The following CAMK2D variants were observed in gnomAD, a reference collection of about 807,000 sequenced individuals.
CAMK2D encodes the protein calcium/calmodulin-dependent protein kinase type II subunit delta.
CAMK2D carries 37 observed loss-of-function variants against 84.0 expected under a neutral mutation model. That is an observed-to-expected ratio of 0.44 (90% CI 0.34 to 0.58). The LOEUF is 0.58. Ranked by LOEUF, CAMK2D falls within the 20% of genes least tolerant of loss-of-function variation. The pLI, the probability that CAMK2D is intolerant of heterozygous loss-of-function variation, is 0.02. For synonymous variants in CAMK2D, 202 were observed against 212.5 expected (o/e 0.95, Z 0.43); for missense variants, 448 against 652.5 (o/e 0.69, Z 3.41).
chr4:113,491,610 T>C (rs1292334955), intron 16 of CAMK2D, among the ~76,000 whole-genome samples: 2 of 152,188 alleles, frequency 1.3e-5, no homozygotes, highest in Non-Finnish European at 2.9e-5. Flanking sequence ...TTCTCTTTTT[T>C]TGTTGTGTCT....
intron 4 of CAMK2D, among the ~76,000 whole-genome samples, chr4:113,557,190 G>T (rs940496771): frequency 3.3e-5 from 5 of 151,888 alleles, no homozygotes; most frequent in Non-Finnish European, 7.4e-5. Context: ...CTCCTAATGG[G>T]CCCCATTTCC....
intron 3 of CAMK2D, among the ~76,000 whole-genome samples, chr4:113,621,560 G>A (rs1276807255): frequency 6.6e-6 from 1 of 152,142 alleles, no homozygotes; most frequent in East Asian, 1.9e-4. Flanking sequence ...CTAAGCCAAT[G>A]GGATAAATGA....
At chr4:113,696,221 CACACACACACAT>C (rs1391145036) in intron 2 of CAMK2D, among the ~76,000 whole-genome samples, 1 of 151,206 alleles carries the variant, frequency 6.6e-6, no homozygotes, top group Non-Finnish European at 1.5e-5. Context: ...CACACACACA[CACACACACACAT>C]ACACATATAC....
intron 6 of CAMK2D, among the ~76,000 whole-genome samples, chr4:113,539,435 G>A (rs2098514997): frequency 6.6e-6 from 1 of 152,220 alleles, no homozygotes; most frequent in Non-Finnish European, 1.5e-5. Context: ...AACTGTCAGC[G>A]TAACTGGTAA....
chr4:113,719,348 C>A lies in CAMK2D; in HGVS notation c.160+39972G>T, dbSNP rs142577488. On this transcript the variant is annotated intron_variant, in intron 2 of 20. Coordinates refer to ENST00000511664, the MANE Select transcript of CAMK2D (RefSeq NM_001321571.2). ...AGTCCCCTCTGCTTTAACCCAGTAA[C>A]CTGAAGTAACCTGATATTAACCAAT... is the stretch of plus-strand genomic sequence containing the variant. Among the ~76,000 whole-genome samples the A allele has an allele frequency of 1.9e-3, 282 of 152,188 alleles. 5 individuals are homozygous for A. The highest frequency in any genetic ancestry group is 0.017 in the Admixed American group (254 of 15,260).
chr4:113,732,738 T>C (rs767014187), intron 2 of CAMK2D, among the ~76,000 whole-genome samples: 1 of 152,132 alleles, frequency 6.6e-6, no homozygotes, highest in African/African-American at 2.4e-5. Flanking sequence ...ATTATTTAAA[T>C]AAAAGGAGCT....
At chr4:113,672,230 G>A (rs527862001) in intron 2 of CAMK2D, among the ~76,000 whole-genome samples, 95 of 152,128 alleles carry the variant, frequency 6.2e-4, no homozygotes, top group African/African-American at 2.2e-3. Context: ...AGTCATGAGT[G>A]ACCCGCCATA....
chr4:113,619,789 T>C (rs932675406), intron 3 of CAMK2D, among the ~76,000 whole-genome samples: 2 of 152,214 alleles, frequency 1.3e-5, no homozygotes, highest in African/African-American at 4.8e-5. Flanking sequence ...AGGATTTCAT[T>C]GTTTAATAAT....
intron 3 of CAMK2D, among the ~76,000 whole-genome samples, chr4:113,651,224 C>T (rs947839211): frequency 6.6e-6 from 1 of 152,156 alleles, no homozygotes; most frequent in African/African-American, 2.4e-5. Context: ...ATAAAATTAA[C>T]AAGTTATTTC....
chr4:113,517,766 T>C (rs1156431215), intron 8 of CAMK2D, 109 bp from the exon 9 acceptor site: 4 of 594,828 alleles, frequency 6.7e-6, no homozygotes, highest in African/African-American at 1.8e-5. Context: ...CAGAGAAAAC[T>C]GGATTGTAGG....
At chr4:113,523,617 A>G (rs574912815) in intron 8 of CAMK2D, among the ~76,000 whole-genome samples, 7 of 151,980 alleles carry the variant, frequency 4.6e-5, no homozygotes, top group African/African-American at 1.7e-4. Flanking sequence ...TACAAAAAGT[A>G]AAAAATTAGC....
intron 16 of CAMK2D, among the ~76,000 whole-genome samples, chr4:113,491,930 G>C (rs2097849666): frequency 6.6e-6 from 1 of 152,196 alleles, no homozygotes; most frequent in Admixed American, 6.5e-5. Context: ...TATTTGCGTA[G>C]AGCTGTTTGT....
chr4:113,657,384 T>C (rs2099206129), intron 3 of CAMK2D, among the ~76,000 whole-genome samples: 1 of 152,134 alleles, frequency 6.6e-6, no homozygotes, highest in Non-Finnish European at 1.5e-5. Flanking sequence ...CACTGTTTCA[T>C]CACCAGTGCA....
Position 113,589,149 on chromosome 4 carries a change from T to A in CAMK2D, c.275+20003A>T, listed in dbSNP as rs77103959. Among the ~76,000 whole-genome samples, 171 of 151,682 alleles carry A rather than the reference T, an allele frequency of 1.1e-3. 1 individual carries two copies. The East Asian group carries it at 0.027, about 24-fold the overall frequency. On this transcript the variant is annotated intron_variant, in intron 4 of 20. Transcript: ENST00000511664. ...GCTGAGTGGGTCAGAAGGAGAGCAG[T>A]AGGCAATGTGGCAATGGAGTGTTTT...
At chr4:113,527,877 C>T (rs573830843) in intron 8 of CAMK2D, among the ~76,000 whole-genome samples, 1 of 152,210 alleles carries the variant, frequency 6.6e-6, no homozygotes, top group South Asian at 2.1e-4. Context: ...TATCACCTCA[C>T]TTGTCTATCA....
chr4:113,725,177 T>C (rs1414440904), intron 2 of CAMK2D, among the ~76,000 whole-genome samples: 1 of 152,000 alleles, frequency 6.6e-6, no homozygotes, highest in Admixed American at 6.5e-5. Flanking sequence ...AAATAGATTG[T>C]GGGAGGAAGG....
chr4:113,671,154 A>G (rs1200565605), intron 2 of CAMK2D, among the ~76,000 whole-genome samples: 1 of 152,246 alleles, frequency 6.6e-6, no homozygotes, highest in Non-Finnish European at 1.5e-5. Flanking sequence ...AGTATAAAAT[A>G]TTTATATGGT....
At chr4:113,483,933 A>T (rs2097734135) in intron 16 of CAMK2D, among the ~76,000 whole-genome samples, 2 of 152,200 alleles carry the variant, frequency 1.3e-5, no homozygotes. Context: ...CTGTTTCCAT[A>T]TAAGCAATAA....
intron 2 of CAMK2D, among the ~76,000 whole-genome samples, chr4:113,684,479 G>GT (rs2099354016): frequency 6.6e-6 from 1 of 152,144 alleles, no homozygotes; most frequent in Admixed American, 6.5e-5. Flanking sequence ...TTCAAATTTA[G>GT]TAAGTTGGAA....
Sources: allele counts gnomAD v4.1 joint callset (sites outside exome capture counted in the v4.1 genomes callset), GRCh38; gene constraint gnomAD v4.1.1; transcripts MANE v1.5; gene names NCBI Gene and HGNC (gene_info 2026-07-23, HGNC 2026-07-21).